Variants in TACR1 observed in about 807,000 individuals in gnomAD.
TACR1 encodes substance-P receptor.
Under a neutral mutation model 35.8 loss-of-function variants are expected in TACR1, and 25 were observed. The ratio of observed to expected loss-of-function variants is 0.70; its 90% CI spans 0.51 to 0.98. The LOEUF (loss-of-function observed/expected upper bound fraction) is 0.98, where lower values mean the gene tolerates loss of function less well. TACR1 is among the 50% of genes least tolerant of loss of function. The pLI, the probability that TACR1 is intolerant of heterozygous loss-of-function variation, is 0.00. For synonymous variants in TACR1, 195 were observed against 206.7 expected, an observed-to-expected ratio of 0.94 and a Z score of 0.48; for missense variants, 478 against 522.9, an observed-to-expected ratio of 0.91 and a Z score of 0.84.
At chr2:75,157,477 G>C (rs1421971641) in intron 1 of TACR1, among the ~76,000 whole-genome samples, 2 of 152,184 alleles carry the variant, frequency 1.3e-5, no homozygotes, top group Admixed American at 6.5e-5. Flanking sequence ...ATTGTTAAGA[G>C]TTAAGAAGGG....
chr2:75,161,308 T>A (rs1162133855), intron 1 of TACR1, among the ~76,000 whole-genome samples: 1 of 152,052 alleles, frequency 6.6e-6, no homozygotes, highest in African/African-American at 2.4e-5. Flanking sequence ...AGTTATAATA[T>A]CATTATGAGG....
At chr2:75,112,660 G>A (rs1218108959) in intron 2 of TACR1, among the ~76,000 whole-genome samples, 1 of 151,302 alleles carries the variant, frequency 6.6e-6, no homozygotes, top group Non-Finnish European at 1.5e-5. Context: ...ATTTTATTTT[G>A]TCAAGGATTA....
intron 2 of TACR1, among the ~76,000 whole-genome samples, chr2:75,081,062 G>T (rs910815121): frequency 6.6e-6 from 1 of 152,100 alleles, no homozygotes; most frequent in Non-Finnish European, 1.5e-5. Flanking sequence ...CAGACTGCTC[G>T]AGAGAAAAAT....
chr2:75,119,409 G>C (rs941116288), intron 2 of TACR1, among the ~76,000 whole-genome samples: 5 of 152,080 alleles, frequency 3.3e-5, no homozygotes, highest in African/African-American at 1.2e-4. Flanking sequence ...CAGATCTTTT[G>C]ATTCTAACAC....
Position 75,198,976 on chromosome 2 carries a change from C to A in TACR1, c.-42G>T. 6.3e-7 allele frequency: 1 copy of A among 1,591,780 alleles called. No individual in the cohort carries two copies. The highest frequency in any genetic ancestry group is 8.6e-7 in the Non-Finnish European group (1 of 1,167,782). ...AAAGCCCTACTATCTGTACACAACC[C>A]CCCTCTGCAGCAGAGTCCTGTGGCT... On this transcript the variant is annotated 5_prime_UTR_variant, in exon 1 of 5. Coordinates refer to ENST00000305249, the MANE Select transcript of TACR1 (RefSeq NM_001058.4).
intron 2 of TACR1, among the ~76,000 whole-genome samples, chr2:75,095,251 G>T (rs1183110492): frequency 6.6e-6 from 1 of 152,074 alleles, no homozygotes; most frequent in Non-Finnish European, 1.5e-5. Flanking sequence ...TCTCCCTGAG[G>T]GTGCACACTT....
At position 75,062,762 on chromosome 2, in the gene TACR1, T is replaced by C. The variant is rs375247286; in HGVS notation, c.585-9007A>G. On this transcript the variant is annotated intron_variant, in intron 2 of 4. Transcript: ENST00000305249. Reference sequence around the variant, plus strand: ...GCCAATCTGTACCAGTTTATGAGATTACCCTTTTGTTTGCACAGCTGCACT... The same window carrying C: ...GCCAATCTGTACCAGTTTATGAGATCACCCTTTTGTTTGCACAGCTGCACT... Among the ~76,000 whole-genome samples the C allele has an allele frequency of 2.6e-5, 4 of 152,372 alleles. No homozygotes were observed. In the South Asian group the frequency reaches 8.3e-4, roughly 32 times the overall value.
intron 1 of TACR1, among the ~76,000 whole-genome samples, chr2:75,133,760 T>G (rs1273580719): frequency 2.0e-5 from 3 of 152,176 alleles, no homozygotes; most frequent in African/African-American, 7.2e-5. Context: ...TAACTCCATC[T>G]TGAATAGGAG....
chr2:75,192,394 A>G (rs1355865276), intron 1 of TACR1, among the ~76,000 whole-genome samples: 1 of 152,260 alleles, frequency 6.6e-6, no homozygotes, highest in East Asian at 1.9e-4. Context: ...TTTCATTTCA[A>G]GAAAAGGAAG....
intron 1 of TACR1, among the ~76,000 whole-genome samples, chr2:75,142,612 A>G (rs909891915): frequency 6.6e-6 from 1 of 152,194 alleles, no homozygotes; most frequent in East Asian, 1.9e-4. Context: ...GACATAAGAC[A>G]GATAAGACAA....
chr2:75,173,093 G>T (rs1675330129), intron 1 of TACR1, among the ~76,000 whole-genome samples: 1 of 152,028 alleles, frequency 6.6e-6, no homozygotes, highest in South Asian at 2.1e-4. Flanking sequence ...GTCAGGAACG[G>T]ACACAATTCA....
At chr2:75,094,853 ATATATAT>A (rs1387263098) in intron 2 of TACR1, among the ~76,000 whole-genome samples, 1 of 88,608 alleles carries the variant, frequency 1.1e-5, no homozygotes, top group African/African-American at 5.9e-5. Flanking sequence ...ATATATATAT[ATATATAT>A]TTTTTTTTTT....
intron 2 of TACR1, among the ~76,000 whole-genome samples, chr2:75,094,859 A>ATATATATATATATATTTTTTTTTTTTTT: frequency 3.5e-5 from 4 of 113,130 alleles, no homozygotes; most frequent in African/African-American, 1.9e-4. Context: ...ATATATATAT[A>ATATATATATATATATTTTTTTTTTTTTT]TTTTTTTTTT....
intron 2 of TACR1, among the ~76,000 whole-genome samples, chr2:75,075,591 C>T (rs1363250255): frequency 1.3e-5 from 2 of 152,080 alleles, no homozygotes; most frequent in Non-Finnish European, 2.9e-5. Flanking sequence ...TATATGATAA[C>T]TATTTTAGGA....
chr2:75,061,408 C>T (rs976874356), intron 2 of TACR1, among the ~76,000 whole-genome samples: 6 of 149,612 alleles, frequency 4.0e-5, no homozygotes, highest in African/African-American at 1.5e-4. Flanking sequence ...GGTGTAGATT[C>T]CATTCTTAAT....
intron 2 of TACR1, among the ~76,000 whole-genome samples, chr2:75,074,105 G>C (rs1258344458): frequency 2.0e-5 from 3 of 152,118 alleles, no homozygotes; most frequent in Non-Finnish European, 4.4e-5. Context: ...AAAAATACTT[G>C]TTATGTAATA....
chr2:75,083,285 A>G (rs969973362), intron 2 of TACR1, among the ~76,000 whole-genome samples: 35 of 152,074 alleles, frequency 2.3e-4, no homozygotes, highest in African/African-American at 7.7e-4. Context: ...ATTGATCTAT[A>G]TCTCTGTTTT....
intron 2 of TACR1, among the ~76,000 whole-genome samples, chr2:75,075,114 C>T (rs1572913801): frequency 6.6e-6 from 1 of 152,160 alleles, no homozygotes; most frequent in South Asian, 2.1e-4. Context: ...AAGAGTGACC[C>T]ATTAAACCAT....
At chr2:75,151,410 G>A (rs111930890) in intron 1 of TACR1, among the ~76,000 whole-genome samples, 2,187 of 152,316 alleles carry the variant, frequency 0.014, 57 homozygotes, top group African/African-American at 0.05. Context: ...CACTCCAGCT[G>A]TGGCTGAAAG....
Sources: allele counts gnomAD v4.1 joint callset (sites outside exome capture counted in the v4.1 genomes callset), GRCh38; gene constraint gnomAD v4.1.1; transcripts MANE v1.5; gene names NCBI Gene and HGNC (gene_info 2026-07-23, HGNC 2026-07-21).